CFAP70: variants seen among roughly 807,000 people sequenced by gnomAD.
CFAP70 encodes cilia- and flagella-associated protein 70.
CFAP70 carries 81 observed loss-of-function variants against 137.6 expected under a neutral mutation model. The observed-to-expected ratio is 0.59, with a 90% CI of 0.49 to 0.71. The LOEUF is 0.71. Ranked by LOEUF, CFAP70 falls within the 30% of genes least tolerant of loss-of-function variation. CFAP70 has a pLI of 0.00. For missense variants in CFAP70, 976 were observed against 1,226.7 expected, an observed-to-expected ratio of 0.80 and a Z score of 3.05; for synonymous variants, 382 against 423.6, an observed-to-expected ratio of 0.90 and a Z score of 1.20.
chr10:73,278,656 G>T (rs937460343), intron 19 of CFAP70, among the ~76,000 whole-genome samples: 4 of 152,040 alleles, frequency 2.6e-5, no homozygotes, highest in Admixed American at 6.6e-5. Context: ...ACAGATCTTT[G>T]CAAGGATACG....
In CFAP70 at chr10:73,314,705, T is replaced by C. The variant is rs577561796; in HGVS notation, c.913-2062A>G. Among the ~76,000 whole-genome samples the C allele has an allele frequency of 2.0e-5, 3 of 152,234 alleles. No individual in the cohort carries two copies. The South Asian group carries it at 6.2e-4, about 32-fold the overall frequency. On this transcript the variant is annotated intron_variant, in intron 9 of 26. Transcript: ENST00000310715. ...TCACTGCAACCTCTACCTTCTGGGC[T>C]CAAGCCATCAGCTCACCTCAGCCTC...
chr10:73,336,403 G>T (rs1231385772), intron 6 of CFAP70, among the ~76,000 whole-genome samples: 1 of 151,994 alleles, frequency 6.6e-6, no homozygotes, highest in Non-Finnish European at 1.5e-5. Flanking sequence ...GATGAGAAAA[G>T]ATAATGCACA....
At chr10:73,329,890 C>T (rs543834581) in intron 8 of CFAP70, among the ~76,000 whole-genome samples, 1 of 152,142 alleles carries the variant, frequency 6.6e-6, no homozygotes, top group East Asian at 1.9e-4. Context: ...GATTGATTAG[C>T]ACTATCTACC....
At chr10:73,346,318 G>A (rs1342693067) in intron 4 of CFAP70, among the ~76,000 whole-genome samples, 2 of 152,100 alleles carry the variant, frequency 1.3e-5, no homozygotes, top group African/African-American at 4.8e-5. Context: ...TTTTCACTCA[G>A]GATACATACA....
intron 3 of CFAP70, among the ~76,000 whole-genome samples, chr10:73,351,005 GTGTA>G (rs10595055): frequency 0.039 from 5,608 of 144,186 alleles, 350 homozygotes; most frequent in African/African-American, 0.13. Flanking sequence ...GTGTATATGT[GTGTA>G]TGTGTGTGTA....
At chr10:73,259,518 C>T (rs1182833031) in intron 25 of CFAP70, among the ~76,000 whole-genome samples, 1 of 152,104 alleles carries the variant, frequency 6.6e-6, no homozygotes, top group East Asian at 1.9e-4. Flanking sequence ...GGCTGGAGTG[C>T]AGTGGCACAA....
intron 24 of CFAP70, among the ~76,000 whole-genome samples, chr10:73,271,495 G>A (rs2046313317): frequency 6.6e-6 from 1 of 152,156 alleles, no homozygotes; most frequent in African/African-American, 2.4e-5. Context: ...TTGGGTGACA[G>A]AGCTATAAGA....
chr10:73,358,464 TGAG>T (rs2132600780), intron 1 of CFAP70, among the ~76,000 whole-genome samples: 1 of 152,304 alleles, frequency 6.6e-6, no homozygotes, highest in East Asian at 1.9e-4. Context: ...CAGCGCAGAA[TGAG>T]GAGGCCTCCG....
At position 73,274,610 on chromosome 10, in the gene CFAP70, G is replaced by A; in HGVS notation, c.2674-16C>T. 1 of 1,609,828 alleles carries A rather than the reference G, an allele frequency of 6.2e-7. No homozygotes were observed. The highest frequency in any genetic ancestry group is 1.1e-5 in the South Asian group (1 of 90,254). ...CATTGGGGTTCTGGGAAAGTGAAAAGCAAGTAGTATATGGGATAAGGTAGT... is the reference window on the plus strand; with the variant it reads ...CATTGGGGTTCTGGGAAAGTGAAAAACAAGTAGTATATGGGATAAGGTAGT... On this transcript the variant is annotated splice_polypyrimidine_tract_variant and intron_variant, in intron 22 of 26. Transcript: ENST00000310715.
intron 11 of CFAP70, among the ~76,000 whole-genome samples, chr10:73,310,845 G>A (rs781536100): frequency 4.6e-5 from 7 of 152,062 alleles, no homozygotes; most frequent in Non-Finnish European, 1.0e-4. Context: ...TACCCCCAAA[G>A]CTTCCCAATT....
At chr10:73,292,897 T>G (rs189836812) in intron 16 of CFAP70, among the ~76,000 whole-genome samples, 113 of 152,308 alleles carry the variant, frequency 7.4e-4, no homozygotes, top group African/African-American at 2.6e-3. Context: ...GTCTAAGAAC[T>G]CTACCTGATT....
intron 12 of CFAP70, among the ~76,000 whole-genome samples, chr10:73,301,696 A>T (rs750877750): frequency 6.6e-6 from 1 of 152,212 alleles, no homozygotes; most frequent in Non-Finnish European, 1.5e-5. Flanking sequence ...TATAAAGTTG[A>T]CTATGGAATG....
chr10:73,254,121 GA>G, intron 26 of CFAP70, 66 bp from the exon 28 acceptor site: 1 of 1,349,396 alleles, frequency 7.4e-7, no homozygotes, highest in East Asian at 2.4e-5. Context: ...TGGCTTTGAA[GA>G]CCCCTCTTTT....
chr10:73,288,545 C>A (rs978507378), intron 19 of CFAP70, among the ~76,000 whole-genome samples: 1 of 152,138 alleles, frequency 6.6e-6, no homozygotes, highest in Non-Finnish European at 1.5e-5. Context: ...AGGCTGACTG[C>A]CAGCACTTGG....
At chr10:73,279,918 G>T (rs1167241296) in intron 19 of CFAP70, among the ~76,000 whole-genome samples, 1 of 151,742 alleles carries the variant, frequency 6.6e-6, no homozygotes, top group Non-Finnish European at 1.5e-5. Context: ...GGAAAGCCAT[G>T]TAAGTATATG....
intron 25 of CFAP70, among the ~76,000 whole-genome samples, chr10:73,263,490 A>G (rs12250907): frequency 0.1 from 15,984 of 152,260 alleles, 1,198 homozygotes; most frequent in East Asian, 0.29. Context: ...TGTGTTTCGT[A>G]ACACTGGCAT....
intron 19 of CFAP70, among the ~76,000 whole-genome samples, chr10:73,289,175 G>T (rs2047967347): frequency 2.0e-5 from 3 of 151,996 alleles, no homozygotes; most frequent in African/African-American, 2.4e-5. Context: ...AAATTGTTAT[G>T]ATTACATAAA....
intron 2 of CFAP70, 93 bp downstream of exon 2, chr10:73,354,641 G>T: frequency 1.0e-6 from 1 of 963,098 alleles, no homozygotes. Flanking sequence ...ATAAAGCCAG[G>T]AGGTTTGGAG....
chr10:73,308,747 G>A (rs1313811031), intron 12 of CFAP70, among the ~76,000 whole-genome samples: 3 of 133,038 alleles, frequency 2.3e-5, no homozygotes, highest in East Asian at 2.2e-4. Context: ...TTAAATAACT[G>A]AAATAAGAAA....
Sources: allele counts gnomAD v4.1 joint callset (sites outside exome capture counted in the v4.1 genomes callset), GRCh38; gene constraint gnomAD v4.1.1; transcripts MANE v1.5; gene names NCBI Gene and HGNC (gene_info 2026-07-23, HGNC 2026-07-21).